The following PLS3 variants were observed in gnomAD, a reference collection of about 807,000 sequenced individuals.
The protein encoded by PLS3 is plastin-3.
In PLS3, 11 loss-of-function variants were observed where a neutral mutation model predicts 46.5. The observed-to-expected ratio is 0.24, with a 90% CI of 0.15 to 0.39. The LOEUF (loss-of-function observed/expected upper bound fraction) is 0.39. PLS3 is among the 10% of genes least tolerant of loss of function. The pLI, the probability that PLS3 is intolerant of heterozygous loss-of-function variation, is 1.00. For synonymous variants in PLS3, 167 were observed against 162.2 expected (o/e 1.03, Z -0.22); for missense variants, 308 against 461.8 (o/e 0.67, Z 3.05).
intron 5 of PLS3, among the ~76,000 whole-genome samples, chrX:115,630,665 C>A (rs1170908281): frequency 1.0e-5 from 1 of 99,461 alleles, no homozygotes; most frequent in African/African-American, 3.7e-5. Context: ...TGACATATTT[C>A]AGATAACTAT....
intron 1 of PLS3, among the ~76,000 whole-genome samples, chrX:115,594,469 C>G (rs868967968): frequency 8.9e-6 from 1 of 111,919 alleles, no homozygotes; most frequent in South Asian, 3.7e-4. Context: ...AACATATAAG[C>G]AAGGTATATA....
intron 1 of PLS3, among the ~76,000 whole-genome samples, chrX:115,595,775 A>G (rs182242396): frequency 0.045 from 4,058 of 90,973 alleles, 233 homozygotes; most frequent in African/African-American, 0.17. Flanking sequence ...TGCAACCTCC[A>G]CCTCCCGGGT....
At chrX:115,588,733 T>A (rs1267574875) in intron 1 of PLS3, among the ~76,000 whole-genome samples, 2 of 110,496 alleles carry the variant, frequency 1.8e-5, no homozygotes, top group Non-Finnish European at 3.8e-5. Flanking sequence ...ACTTTTCTCC[T>A]ATTCCCCTCT....
At chrX:115,608,181 A>T (rs193094115) in intron 1 of PLS3, among the ~76,000 whole-genome samples, 1 of 111,765 alleles carries the variant, frequency 8.9e-6, no homozygotes, top group East Asian at 2.8e-4. Flanking sequence ...AGATAGATGT[A>T]GCCCAGCTCT....
chrX:115,626,379 G>A (rs782072408), intron 3 of PLS3, among the ~76,000 whole-genome samples: 3 of 109,042 alleles, frequency 2.8e-5, no homozygotes, highest in Non-Finnish European at 3.8e-5. Context: ...CTGCCTCCTG[G>A]GTTCAAGGGA....
intron 1 of PLS3, among the ~76,000 whole-genome samples, chrX:115,588,800 C>A (rs1406552635): frequency 1.8e-5 from 2 of 111,184 alleles, no homozygotes; most frequent in Non-Finnish European, 3.8e-5. Context: ...AATTGTAGAG[C>A]ATGTGAGTTA....
chrX:115,610,762 T>G, intron 2 of PLS3: 1 of 541,770 alleles, frequency 1.8e-6, no homozygotes. Context: ...TTTGGCGTTA[T>G]TGACTTTTTT....
intron 5 of PLS3, among the ~76,000 whole-genome samples, chrX:115,630,976 TTA>T (rs1386491428): frequency 7.2e-5 from 7 of 97,740 alleles, no homozygotes; most frequent in Non-Finnish European, 1.0e-4. Context: ...TACATATATG[TTA>T]TATAATATAT....
intron 1 of PLS3, among the ~76,000 whole-genome samples, chrX:115,569,929 C>T (rs1483165453): frequency 9.0e-6 from 1 of 111,456 alleles, no homozygotes; most frequent in Non-Finnish European, 1.9e-5. Flanking sequence ...ATAGCTCTCG[C>T]ATTTTATTAT....
chrX:115,581,607 T>G (rs1221303382), intron 1 of PLS3, among the ~76,000 whole-genome samples: 1 of 112,065 alleles, frequency 8.9e-6, no homozygotes, highest in Non-Finnish European at 1.9e-5. Flanking sequence ...GATCATGCTT[T>G]CTTTCTGTCT....
chrX:115,620,706 C>CTTTTTTTTT lies in PLS3; in HGVS notation c.74-1524_74-1516dup, dbSNP rs1176959674. Among the ~76,000 whole-genome samples the CTTTTTTTTT allele has an allele frequency of 3.7e-4, 20 of 54,727 alleles. 1 individual carries two copies. The highest frequency in any genetic ancestry group is 5.0e-4 in the Non-Finnish European group (16 of 31,859). 47.5% of individuals were successfully genotyped at this position (54,727 alleles called of 115,157 possible). A position where few individuals can be genotyped will look rare whatever the true frequency, so the allele number is the denominator to read the frequency against. On this transcript the variant is annotated intron_variant, in intron 2 of 15. Transcript: ENST00000355899. ...TGCTTTTTTCTTTTTTTTTTCTTTT[C>CTTTTTTTTT]TTTTTTTTTTTTTTTTTTTTTTTTG...
chrX:115,620,464 G>GC (rs1226784494), intron 2 of PLS3, among the ~76,000 whole-genome samples: 1 of 109,776 alleles, frequency 9.1e-6, no homozygotes, highest in African/African-American at 3.3e-5. Flanking sequence ...CACCATCCCT[G>GC]CCCCCCAATA....
chrX:115,597,940 G>A (rs1184961576), intron 1 of PLS3, among the ~76,000 whole-genome samples: 9 of 111,073 alleles, frequency 8.1e-5, no homozygotes, highest in East Asian at 2.8e-4. Flanking sequence ...ATAACTTTCC[G>A]AAGTAAAGTC....
rs782397891 is a variant in PLS3, at chrX:115,645,886, A to G, written c.1263-186A>G. Among the ~76,000 whole-genome samples the G allele has an allele frequency of 2.3e-3, 255 of 111,821 alleles. No individual in the cohort carries two copies. Among genetic ancestry groups the G allele is most frequent in the Non-Finnish European group, 3.4e-3 (179 of 53,162 alleles). ...GTGCCTTGCTTACAGTAAGCTCTCA[A>G]TAAATACTTATAAATGAATGGGATG... On this transcript the variant is annotated intron_variant, in intron 11 of 15. Transcript: ENST00000355899.
chrX:115,561,997 C>T (rs2074139791), intron 1 of PLS3, among the ~76,000 whole-genome samples: 1 of 110,894 alleles, frequency 9.0e-6, no homozygotes, highest in East Asian at 2.9e-4. Context: ...CCCCTGGCCC[C>T]ACACCCCCTG....
chrX:115,644,964 T>C, intron 10 of PLS3, 57 bp from the exon 11 acceptor site: 2 of 721,530 alleles, frequency 2.8e-6, no homozygotes, highest in Admixed American at 2.2e-5. Flanking sequence ...ATTGGCACTA[T>C]ATGCACATAC....
chrX:115,620,696 T>C (rs1277507872), intron 2 of PLS3, among the ~76,000 whole-genome samples: 2 of 105,924 alleles, frequency 1.9e-5, no homozygotes, highest in African/African-American at 7.0e-5. Context: ...TTTTCTTTTT[T>C]TTTTCTTTTC....
chrX:115,594,668 T>TCTCA (rs1556633590), intron 1 of PLS3, among the ~76,000 whole-genome samples: 1 of 98,005 alleles, frequency 1.0e-5, no homozygotes, highest in African/African-American at 4.0e-5. Context: ...TCTCTCTCTC[T>TCTCA]CACACACACA....
intron 2 of PLS3, among the ~76,000 whole-genome samples, chrX:115,619,486 G>A (rs1221429175): frequency 2.7e-5 from 3 of 111,936 alleles, no homozygotes; most frequent in East Asian, 2.8e-4. Flanking sequence ...AGTGCCATGG[G>A]GATTACTTTG....
Sources: allele counts gnomAD v4.1 joint callset (sites outside exome capture counted in the v4.1 genomes callset), GRCh38; gene constraint gnomAD v4.1.1; transcripts MANE v1.5; gene names NCBI Gene and HGNC (gene_info 2026-07-23, HGNC 2026-07-21).